CCDC18: variants seen among roughly 807,000 people sequenced by gnomAD.
The protein encoded by CCDC18 is coiled-coil domain-containing protein 18.
In CCDC18, 157 loss-of-function variants were observed where a neutral mutation model predicts 196.0. The observed-to-expected ratio is 0.80, with a 90% CI of 0.70 to 0.91. The LOEUF (loss-of-function observed/expected upper bound fraction) is 0.91. CCDC18 is among the 40% of genes least tolerant of loss of function. The pLI, the probability that CCDC18 is intolerant of heterozygous loss-of-function variation, is 0.00. For synonymous variants in CCDC18, 482 were observed against 529.2 expected (o/e 0.91, Z 1.22); for missense variants, 1,465 against 1,611.6 (o/e 0.91, Z 1.56).
intron 12 of CCDC18, among the ~76,000 whole-genome samples, chr1:93,216,051 G>T (rs1197531426): frequency 6.6e-6 from 1 of 152,198 alleles, no homozygotes; most frequent in Non-Finnish European, 1.5e-5. Context: ...AAAGTCTATA[G>T]CCAAGGCTGA....
intron 23 of CCDC18, among the ~76,000 whole-genome samples, chr1:93,250,210 C>T (rs1221093730): frequency 6.6e-6 from 1 of 151,414 alleles, no homozygotes; most frequent in African/African-American, 2.4e-5. Flanking sequence ...GGGACCCTGT[C>T]TCTACAAAAA....
In CCDC18 at chr1:93,185,295, T is replaced by C. The variant is rs536038217; in HGVS notation, c.304-1050T>C. ...GAATGCACAGTGATATAACCCCAACTGAGATGCATTTGGCAATATTTACCA... is the reference window on the plus strand; with the variant it reads ...GAATGCACAGTGATATAACCCCAACCGAGATGCATTTGGCAATATTTACCA... On this transcript the variant is annotated intron_variant, in intron 3 of 28. Coordinates refer to ENST00000690025, the MANE Select transcript of CCDC18 (RefSeq NM_001378204.1). Among the ~76,000 whole-genome samples, 18 of 151,978 alleles carry C rather than the reference T, an allele frequency of 1.2e-4. No individual in the cohort carries two copies. The South Asian group carries it at 3.7e-3, about 31-fold the overall frequency.
At chr1:93,197,167 A>G (rs1220108637) in intron 6 of CCDC18, among the ~76,000 whole-genome samples, 1 of 152,234 alleles carries the variant, frequency 6.6e-6, no homozygotes, top group Non-Finnish European at 1.5e-5. Context: ...AATAGAAGTA[A>G]GGAAATAATA....
At chr1:93,203,435 A>G (rs1654177188) in intron 7 of CCDC18, among the ~76,000 whole-genome samples, 1 of 152,212 alleles carries the variant, frequency 6.6e-6, no homozygotes, top group Non-Finnish European at 1.5e-5. Context: ...GAGAATTAAC[A>G]GTACTGAATT....
chr1:93,180,889 G>A (rs757096095), intron 1 of CCDC18, 37 bp downstream of exon 1: 2 of 1,364,606 alleles, frequency 1.5e-6, no homozygotes, highest in South Asian at 1.1e-5. Context: ...GGTGGTGAGC[G>A]ACTGCGCCTT....
rs34139452 is a variant in CCDC18 at position 93,254,941 on chromosome 1, C to CTTTTTTTTTTTT, written c.3342+345_3342+356dup. Reference sequence around the variant, plus strand: ...CTATGTAATAGAATTGAGGAGTCAGCTTTTTTTTTTTTTTTTTTTTTTTTT... The same window carrying CTTTTTTTTTTTT: ...CTATGTAATAGAATTGAGGAGTCAGCTTTTTTTTTTTTTTTTTTTTTTTTTTTTTTTTTTTTT... On this transcript the variant is annotated intron_variant, in intron 24 of 28. Transcript: ENST00000690025. Among the ~76,000 whole-genome samples, 10 of 44,272 alleles carry CTTTTTTTTTTTT rather than the reference C, an allele frequency of 2.3e-4. 2 individuals are homozygous for CTTTTTTTTTTTT. Among genetic ancestry groups the CTTTTTTTTTTTT allele is most frequent in the Non-Finnish European group, 3.7e-4 (10 of 27,118 alleles). The allele number at this position is 44,272 out of a possible 152,430, so 29.0% of individuals were successfully genotyped here.
At chr1:93,241,903 A>C (rs866282877) in intron 21 of CCDC18, among the ~76,000 whole-genome samples, 2 of 152,120 alleles carry the variant, frequency 1.3e-5, no homozygotes, top group African/African-American at 4.8e-5. Context: ...GGAAAAGAAC[A>C]AGTGTTAGCA....
At chr1:93,262,862 G>C (rs1208763656) in intron 26 of CCDC18, among the ~76,000 whole-genome samples, 1 of 152,062 alleles carries the variant, frequency 6.6e-6, no homozygotes, top group African/African-American at 2.4e-5. Context: ...CTCCACAGCA[G>C]ACTTCTGCTT....
Position 93,207,392 on chromosome 1 carries a change from G to T in CCDC18, c.1203G>T (p.Gln401His), listed in dbSNP as rs771807971. 8 of 1,586,766 alleles carry T rather than the reference G, an allele frequency of 5.0e-6. No homozygotes were observed. The highest frequency in any genetic ancestry group is 1.7e-4 in the Middle Eastern group (1 of 5,950). ...GAAGTTTGGAAAAGATTATATCCCA[G>T]TTGCCAGTAAGTATGTGTGATTACG... ...ELRSLEKIIS[Q>H]LPLKRELFGF... is the part of the protein sequence containing the mutation. The change falls in exon 9 of 29, where the codon CAG becomes CAT. Residue 401 changes from glutamine (Q) to histidine (H), a missense_variant. Coordinates refer to ENST00000690025, the MANE Select transcript of CCDC18 (RefSeq NM_001378204.1).
intron 26 of CCDC18, among the ~76,000 whole-genome samples, chr1:93,259,367 G>A (rs693737): frequency 0.47 from 71,931 of 151,962 alleles, 20,206 homozygotes; most frequent in African/African-American, 0.79. Context: ...CTTTTTATCT[G>A]TCAGCATGTC....
intron 28 of CCDC18, among the ~76,000 whole-genome samples, chr1:93,272,549 A>G (rs2101567233): frequency 6.6e-6 from 1 of 152,348 alleles, no homozygotes; most frequent in Non-Finnish European, 1.5e-5. Flanking sequence ...GGTGAGATCA[A>G]TTGTGTCCAG....
chr1:93,180,485 A>T (rs752647522), upstream of CCDC18: 1 of 1,521,260 alleles, frequency 6.6e-7, no homozygotes. Context: ...CCCTCAGGCC[A>T]GGCGTGAGCG....
chr1:93,229,484 G>GC (rs1658916297), intron 17 of CCDC18, among the ~76,000 whole-genome samples: 1 of 152,166 alleles, frequency 6.6e-6, no homozygotes, highest in Non-Finnish European at 1.5e-5. Context: ...GAGTAATAGT[G>GC]CATCCATTCC....
intron 18 of CCDC18, among the ~76,000 whole-genome samples, chr1:93,234,979 T>TGG (rs1263622337): frequency 3.3e-5 from 3 of 91,020 alleles, no homozygotes; most frequent in African/African-American, 1.4e-4. Context: ...GTGTGGCTTT[T>TGG]CTTTTTTTTT....
intron 16 of CCDC18, among the ~76,000 whole-genome samples, chr1:93,224,799 T>A (rs2102300389): frequency 6.6e-6 from 1 of 152,366 alleles, no homozygotes; most frequent in East Asian, 1.9e-4. Flanking sequence ...CACTGTTAAC[T>A]ATTAGGTAGT....
In CCDC18 at chr1:93,207,210, T is replaced by C. The variant is rs766214881; in HGVS notation, c.1021T>C (p.Leu341=). 8 of 1,613,058 alleles carry C rather than the reference T, an allele frequency of 5.0e-6. No individual in the cohort carries two copies. In the East Asian group the frequency reaches 1.6e-4, roughly 31 times the overall value. ...ACTAACTGAATCTAGACAAAGTATTTTGAAGCTAGAGAGTGAGTTAGAGAA... is the reference window on the plus strand; with the variant it reads ...ACTAACTGAATCTAGACAAAGTATTCTGAAGCTAGAGAGTGAGTTAGAGAA... ...AQLTESRQSI[L]KLESELENKD... Residue 341 remains leucine, a synonymous_variant, in exon 9 of 29, where the codon TTG becomes CTG. Coordinates refer to ENST00000690025, the MANE Select transcript of CCDC18 (RefSeq NM_001378204.1).
chr1:93,193,229 C>A (rs982755768), intron 5 of CCDC18, among the ~76,000 whole-genome samples: 3 of 152,014 alleles, frequency 2.0e-5, no homozygotes, highest in Non-Finnish European at 4.4e-5. Context: ...TTTGTCTTTC[C>A]TTTTCAGCAT....
rs1033123556 is a variant in CCDC18, at chr1:93,213,075, G to A, written c.1495+814G>A. ...GTTCCTGTGGGAATCTAATGCTGCC[G>A]CTAATCTGACAGGAGGTAGAGCTCC... On this transcript the variant is annotated intron_variant, in intron 11 of 28. Transcript: ENST00000690025. 3.9e-5 allele frequency among the ~76,000 whole-genome samples: 6 copies of A among 152,222 alleles called. No homozygotes were observed. In the Middle Eastern group the frequency reaches 0.017, roughly 431 times the overall value.
intron 6 of CCDC18, chr1:93,199,810 A>C (rs1653499916): frequency 6.6e-6 from 1 of 152,638 alleles, no homozygotes; most frequent in Non-Finnish European, 1.5e-5. Flanking sequence ...ATGTGGACAC[A>C]GTCAATGCAG....
Sources: allele counts gnomAD v4.1 joint callset (sites outside exome capture counted in the v4.1 genomes callset), GRCh38; gene constraint gnomAD v4.1.1; transcripts MANE v1.5; gene names NCBI Gene and HGNC (gene_info 2026-07-23, HGNC 2026-07-21).